Variants in ADGRA3 observed in about 807,000 individuals in gnomAD.
ADGRA3 encodes the protein G-protein coupled receptor 125.
ADGRA3 carries 56 observed loss-of-function variants against 119.8 expected under a neutral mutation model. That is an observed-to-expected ratio of 0.47 (90% confidence interval 0.38 to 0.58). The LOEUF (loss-of-function observed/expected upper bound fraction) is 0.58, where lower values mean the gene tolerates loss of function less well. Ranked by LOEUF, ADGRA3 falls within the 20% of genes least tolerant of loss-of-function variation. ADGRA3 has a pLI of 0.00. For synonymous variants in ADGRA3, 607 were observed against 623.8 expected, an observed-to-expected ratio of 0.97 and a Z score of 0.40; for missense variants, 1,516 against 1,649.0, an observed-to-expected ratio of 0.92 and a Z score of 1.40.
chr4:22,462,929 A>C (rs1560329985), intron 2 of ADGRA3, among the ~76,000 whole-genome samples: 1 of 152,006 alleles, frequency 6.6e-6, no homozygotes. Context: ...GTTTGGCTAG[A>C]CCTCTGTGGA....
chr4:22,485,359 C>T (rs1217004860), intron 1 of ADGRA3, among the ~76,000 whole-genome samples: 1 of 152,172 alleles, frequency 6.6e-6, no homozygotes, highest in Non-Finnish European at 1.5e-5. Context: ...CCGGCCCACA[C>T]CAGAGCTTTT....
chr4:22,455,384 T>G (rs1717202274), intron 3 of ADGRA3, among the ~76,000 whole-genome samples: 1 of 152,178 alleles, frequency 6.6e-6, no homozygotes, highest in African/African-American at 2.4e-5. Context: ...GAACTTTCAT[T>G]TCCTCGGAAA....
Position 22,429,684 on chromosome 4 carries a change from A to G in ADGRA3, c.1444-5332T>C, listed in dbSNP as rs558615092. Among the ~76,000 whole-genome samples, 5 of 152,318 alleles carry G rather than the reference A, an allele frequency of 3.3e-5. No homozygotes were observed. In the East Asian group the frequency reaches 7.7e-4, roughly 24 times the overall value. On this transcript the variant is annotated intron_variant, in intron 10 of 18. Coordinates refer to ENST00000334304, the MANE Select transcript of ADGRA3 (RefSeq NM_145290.4). ...AATTATTCTCTGACAATTTGGAAAC[A>G]CAAGTTGACCTTCAAACAGGTCCTT...
At chr4:22,414,903 T>C (rs1416976600) in intron 12 of ADGRA3, among the ~76,000 whole-genome samples, 2 of 152,230 alleles carry the variant, frequency 1.3e-5, no homozygotes, top group East Asian at 3.9e-4. Context: ...TAACGGAAAG[T>C]GGATTAGAAT....
intron 3 of ADGRA3, among the ~76,000 whole-genome samples, chr4:22,456,110 G>A (rs572540120): frequency 6.6e-6 from 1 of 152,340 alleles, no homozygotes; most frequent in South Asian, 2.1e-4. Flanking sequence ...ATTCCAAACT[G>A]TGTACTTGGT....
In ADGRA3 at chr4:22,436,480, T is replaced by C. The variant is rs748536522; in HGVS notation, c.1247A>G (p.Tyr416Cys). ...AAGAACTCTAGTGACATCATTTGCA[T>C]ACTGACAGCGAGAATAATCATCATC... Reference protein sequence around the residue: ...WADDDYSRCQYANDVTRVLYM... With the variant: ...WADDDYSRCQCANDVTRVLYM... Residue 416 changes from tyrosine to cysteine, a missense_variant, in exon 9 of 19, where the codon TAT becomes TGT. Tyr to Cys is a radical substitution (Grantham distance 194, BLOSUM62 -2). Transcript: ENST00000334304. The C allele has an allele frequency of 3.3e-5, 53 of 1,612,298 alleles. No homozygotes were observed. Among genetic ancestry groups the C allele is most frequent in the Non-Finnish European group, 4.4e-5 (52 of 1,179,814 alleles).
At chr4:22,461,906 A>G (rs886717664) in intron 2 of ADGRA3, 98 bp from the exon 3 acceptor site, 1 of 698,370 alleles carries the variant, frequency 1.4e-6, no homozygotes, top group Non-Finnish European at 2.3e-6. Flanking sequence ...CAAAAGTATA[A>G]TAATAAGAGG....
intron 3 of ADGRA3, among the ~76,000 whole-genome samples, chr4:22,461,445 C>T (rs534135466): frequency 1.2e-3 from 177 of 152,322 alleles, no homozygotes; most frequent in African/African-American, 4.1e-3. Flanking sequence ...GGACTACAGG[C>T]ACACACCACC....
At chr4:22,487,591 G>C (rs1229384713) in intron 1 of ADGRA3, among the ~76,000 whole-genome samples, 3 of 151,986 alleles carry the variant, frequency 2.0e-5, no homozygotes, top group Non-Finnish European at 4.4e-5. Flanking sequence ...AGTATAAGTG[G>C]TATCTAATGA....
chr4:22,472,625 G>A (rs183709282), intron 2 of ADGRA3, among the ~76,000 whole-genome samples: 2 of 151,962 alleles, frequency 1.3e-5, no homozygotes, highest in East Asian at 1.9e-4. Flanking sequence ...ACAGAGACAC[G>A]CATAAAGAAA....
At position 22,424,331 on chromosome 4, in the gene ADGRA3, T is replaced by C. The variant is rs752027303; in HGVS notation, c.1465A>G (p.Ile489Val). ...TCAGCCAACATGATGTTACTTGCAA[T>C]GTCAACCATCACGTCACCTAGCTAG... The part of the protein sequence containing the change: ...SKELGDVMVD[I>V]ASNIMLADER... The change falls in exon 11 of 19, where the codon ATT becomes GTT. Residue 489 changes from isoleucine (I) to valine (V), a missense_variant. This residue lies in a region of ADGRA3 where 1,088 missense variants were observed against 1,107.1 expected (regional missense o/e 0.98). Coordinates refer to ENST00000334304, the MANE Select transcript of ADGRA3 (RefSeq NM_145290.4). 2 of 1,613,486 alleles carry C rather than the reference T, an allele frequency of 1.2e-6. No homozygotes were observed. Among genetic ancestry groups the C allele is most frequent in the South Asian group, 1.1e-5 (1 of 91,006 alleles).
chr4:22,426,262 CTATT>C (rs1715928387), intron 10 of ADGRA3, among the ~76,000 whole-genome samples: 1 of 152,108 alleles, frequency 6.6e-6, no homozygotes, highest in Non-Finnish European at 1.5e-5. Flanking sequence ...CAGCTTGATC[CTATT>C]AAAATAAGTT....
chr4:22,430,639 C>T (rs1328550183), intron 10 of ADGRA3, among the ~76,000 whole-genome samples: 2 of 151,716 alleles, frequency 1.3e-5, no homozygotes, highest in Admixed American at 6.6e-5. Context: ...GGAAAATTTG[C>T]ACCTTGACAA....
At chr4:22,414,383 T>C (rs1383600248) in intron 12 of ADGRA3, 1 of 446,302 alleles carries the variant, frequency 2.2e-6, no homozygotes, top group African/African-American at 2.0e-5. Context: ...TAATAACACA[T>C]AGGAACAACT....
chr4:22,496,102 C>T lies in ADGRA3; in HGVS notation c.257+19426G>A, dbSNP rs142065553. 1.1e-3 allele frequency among the ~76,000 whole-genome samples: 167 copies of T among 152,270 alleles called. 1 individual carries two copies. The highest frequency in any genetic ancestry group is 3.8e-3 in the African/African-American group (156 of 41,570). On this transcript the variant is annotated intron_variant, in intron 1 of 18. Transcript: ENST00000334304. ...ACATCACCTTCTTGCCAGAGTCACA[C>T]TTGAATCTCAGAAGTGAAAAGCGGT...
In ADGRA3 at chr4:22,387,795, A is replaced by C; in HGVS notation, c.3876T>G (p.Ile1292Met). Residue 1292 changes from isoleucine (I) to methionine (M), a missense_variant, in exon 19 of 19, where the codon ATT (isoleucine) becomes ATG (methionine). Ile to Met is a conservative substitution (Grantham distance 10). Transcript: ENST00000334304. ...GLNLAIQNGPIKSNGQEGPLL... is the reference protein window; with the variant it reads ...GLNLAIQNGPMKSNGQEGPLL... ...AGGGTCCCTCCTGCCCATTGCTTTT[A>C]ATTGGTCCATTCTGAATGGCCAAGT... is the stretch of plus-strand genomic sequence containing the variant. The C allele has an allele frequency of 1.2e-6, 2 of 1,614,060 alleles. No homozygotes were observed. Among genetic ancestry groups the C allele is most frequent in the Non-Finnish European group, 8.5e-7 (1 of 1,179,968 alleles).
intron 2 of ADGRA3, among the ~76,000 whole-genome samples, chr4:22,465,523 C>T (rs1324104947): frequency 6.6e-6 from 1 of 152,096 alleles, no homozygotes; most frequent in African/African-American, 2.4e-5. Context: ...AATGGTGAGC[C>T]CCTGGATCCA....
chr4:22,515,792 G>A lies in ADGRA3; in HGVS notation c.-8C>T. ...GCGTCCGGGTGGCTCCATGCTGCGGGCCGGGGCCTGCGGGGCGAGCGGCGG... is the reference window on the plus strand; with the variant it reads ...GCGTCCGGGTGGCTCCATGCTGCGGACCGGGGCCTGCGGGGCGAGCGGCGG... On this transcript the variant is annotated 5_prime_UTR_variant, in exon 1 of 19. Coordinates refer to ENST00000334304, the MANE Select transcript of ADGRA3 (RefSeq NM_145290.4). The A allele has an allele frequency of 1.0e-6, 1 of 999,470 alleles. No homozygotes were observed. The highest frequency in any genetic ancestry group is 1.2e-6 in the Non-Finnish European group (1 of 843,092). 61.9% of individuals were successfully genotyped at this position (999,470 alleles called of 1,614,324 possible). A position where few individuals can be genotyped will look rare whatever the true frequency, so the allele number is the denominator to read the frequency against.
At chr4:22,502,167 C>A (rs1577387260) in intron 1 of ADGRA3, among the ~76,000 whole-genome samples, 1 of 152,192 alleles carries the variant, frequency 6.6e-6, no homozygotes, top group Admixed American at 6.5e-5. Context: ...CTGAGAGCGA[C>A]AGCCAACCCA....
Sources: gnomAD v4.1 joint callset for allele counts (sites outside exome capture counted in the v4.1 genomes callset) on GRCh38, gnomAD v4.1.1 for gene constraint, gnomAD v4.1.1 regional missense constraint, MANE v1.5 for transcripts, NCBI Gene and HGNC (gene_info 2026-07-23, HGNC 2026-07-21) for gene names.